The following HS6ST2 variants were observed in gnomAD, a reference collection of about 807,000 sequenced individuals.
HS6ST2 encodes the protein heparan-sulfate 6-O-sulfotransferase 2.
Under a neutral mutation model 33.0 loss-of-function variants are expected in HS6ST2, and 17 were observed. The ratio of observed to expected loss-of-function variants is 0.52; its 90% CI spans 0.35 to 0.77. The LOEUF (loss-of-function observed/expected upper bound fraction) is 0.77, where lower values mean the gene tolerates loss of function less well. HS6ST2 is among the 30% of genes least tolerant of loss of function. The pLI is 0.01. For missense variants in HS6ST2, 519 were observed against 551.7 expected (o/e 0.94, Z 0.59); for synonymous variants, 248 against 237.1 (o/e 1.05, Z -0.42).
chrX:132,670,144 T>C (rs1602563108), intron 3 of HS6ST2, among the ~76,000 whole-genome samples: 1 of 111,448 alleles, frequency 9.0e-6, no homozygotes, highest in East Asian at 2.8e-4. Flanking sequence ...TAACCTTTTA[T>C]AAAAAGTGAA....
At chrX:132,692,197 AG>A (rs2064070428) in intron 3 of HS6ST2, among the ~76,000 whole-genome samples, 1 of 111,443 alleles carries the variant, frequency 9.0e-6, no homozygotes, top group Non-Finnish European at 1.9e-5. Flanking sequence ...ACTTTTGCCT[AG>A]GAACAAGGAG....
chrX:132,763,112 T>G (rs1400444158), intron 2 of HS6ST2, among the ~76,000 whole-genome samples: 1 of 111,862 alleles, frequency 8.9e-6, no homozygotes, highest in African/African-American at 3.3e-5. Context: ...TGTCCTGCAG[T>G]CATTAGCTAC....
chrX:132,831,213 T>A (rs1002134249), intron 2 of HS6ST2, among the ~76,000 whole-genome samples: 9 of 111,028 alleles, frequency 8.1e-5, no homozygotes, highest in Admixed American at 2.9e-4. Context: ...GAGAAAGAGA[T>A]TTCCCAGAAA....
chrX:132,873,501 C>T (rs1294390788), intron 2 of HS6ST2, among the ~76,000 whole-genome samples: 1 of 111,992 alleles, frequency 8.9e-6, no homozygotes, highest in African/African-American at 3.2e-5. Flanking sequence ...CTGTGGCAAA[C>T]TTCATTAAAG....
At chrX:132,643,673 G>A (rs1364576563) in intron 4 of HS6ST2, among the ~76,000 whole-genome samples, 2 of 111,335 alleles carry the variant, frequency 1.8e-5, no homozygotes, top group East Asian at 5.7e-4. Context: ...TCACTTTCCT[G>A]AATATCACCC....
chrX:132,813,896 G>T (rs1457051367), intron 2 of HS6ST2, among the ~76,000 whole-genome samples: 3 of 111,542 alleles, frequency 2.7e-5, no homozygotes, highest in Non-Finnish European at 5.7e-5. Flanking sequence ...TAAATAAACT[G>T]CAATGAAAAT....
chrX:132,686,269 G>T (rs2064015740), intron 3 of HS6ST2, among the ~76,000 whole-genome samples: 1 of 112,663 alleles, frequency 8.9e-6, no homozygotes, highest in African/African-American at 3.2e-5. Flanking sequence ...CTAGGGAAGT[G>T]CAGGAGCTTG....
chrX:132,957,458 G>GGCGGCGGCGGCT (rs777013380), intron 1 of HS6ST2, 132 bp from the exon 2 acceptor site: 16 of 703,525 alleles, frequency 2.3e-5, no homozygotes, highest in East Asian at 7.5e-5. Flanking sequence ...AGTACTCCAC[G>GGCGGCGGCGGCT]GCGGCGGCGG....
chrX:132,879,223 G>T (rs1469601406), intron 2 of HS6ST2, among the ~76,000 whole-genome samples: 1 of 111,372 alleles, frequency 9.0e-6, no homozygotes, highest in Admixed American at 9.6e-5. Context: ...ATACTACAGG[G>T]GCTAACCTCA....
chrX:132,797,453 T>A (rs1043416996), intron 2 of HS6ST2, among the ~76,000 whole-genome samples: 1 of 112,259 alleles, frequency 8.9e-6, no homozygotes, highest in African/African-American at 3.2e-5. Context: ...TTCCCCTGTC[T>A]GAAACTTGAC....
chrX:132,865,235 T>C, intron 2 of HS6ST2, among the ~76,000 whole-genome samples: 1 of 107,672 alleles, frequency 9.3e-6, no homozygotes, highest in East Asian at 3.0e-4. Context: ...GTGTTTGGTT[T>C]TCTGTTTTTG....
At chrX:132,749,803 C>G (rs2064682545) in intron 2 of HS6ST2, among the ~76,000 whole-genome samples, 1 of 111,366 alleles carries the variant, frequency 9.0e-6, no homozygotes, top group Admixed American at 9.6e-5. Context: ...GGGAGTGCTA[C>G]TAGTTACAGT....
intron 2 of HS6ST2, among the ~76,000 whole-genome samples, chrX:132,742,186 C>T (rs753685238): frequency 2.7e-5 from 3 of 112,200 alleles, no homozygotes; most frequent in Admixed American, 9.4e-5. Context: ...AATCCAAAGA[C>T]GGAAGCTGCT....
chrX:132,709,837 A>ACACACACT (rs1360195979), intron 2 of HS6ST2, among the ~76,000 whole-genome samples: 1 of 110,228 alleles, frequency 9.1e-6, no homozygotes, highest in Non-Finnish European at 1.9e-5. Context: ...ACACACACAC[A>ACACACACT]CACAAGAAAA....
At chrX:132,811,716 A>ATATATC (rs2065347601) in intron 2 of HS6ST2, among the ~76,000 whole-genome samples, 1 of 91,579 alleles carries the variant, frequency 1.1e-5, no homozygotes, top group Non-Finnish European at 2.1e-5. Context: ...ATATATATAT[A>ATATATC]TATATATATC....
chrX:132,872,483 GCTAATTA>G (rs930831157), intron 2 of HS6ST2, among the ~76,000 whole-genome samples: 3 of 111,863 alleles, frequency 2.7e-5, no homozygotes, highest in African/African-American at 9.8e-5. Context: ...AAAGGTCACA[GCTAATTA>G]CTGGCAGAGT....
intron 4 of HS6ST2, among the ~76,000 whole-genome samples, chrX:132,666,934 C>G (rs923841320): frequency 2.7e-5 from 3 of 111,198 alleles, no homozygotes; most frequent in African/African-American, 9.8e-5. Flanking sequence ...ATCTACCTAT[C>G]CCCTCCTCAC....
chrX:132,667,541 T>C (rs746999113), intron 4 of HS6ST2: 3 of 112,295 alleles, frequency 2.7e-5, no homozygotes, highest in Non-Finnish European at 3.8e-5. Flanking sequence ...ACTCAGATTC[T>C]ACCAATTGCT....
intron 2 of HS6ST2, among the ~76,000 whole-genome samples, chrX:132,897,439 A>G (rs2066386434): frequency 9.0e-6 from 1 of 111,454 alleles, no homozygotes; most frequent in Non-Finnish European, 1.9e-5. Flanking sequence ...ACTAATCTGT[A>G]TAGCCTTTAA....
Sources: allele counts gnomAD v4.1 joint callset (sites outside exome capture counted in the v4.1 genomes callset), GRCh38; gene constraint gnomAD v4.1.1; transcripts MANE v1.5; gene names NCBI Gene and HGNC (gene_info 2026-07-23, HGNC 2026-07-21).